The following KCNN2 variants were observed in gnomAD, a reference collection of about 807,000 sequenced individuals.
KCNN2 encodes the protein small conductance calcium-activated potassium channel protein 2.
In KCNN2, 24 loss-of-function variants were observed where a neutral mutation model predicts 55.5. The observed-to-expected ratio is 0.43, with a 90% confidence interval of 0.31 to 0.61. The LOEUF (loss-of-function observed/expected upper bound fraction) is 0.61, where lower values mean the gene tolerates loss of function less well. Ranked by LOEUF, KCNN2 falls within the 20% of genes least tolerant of loss-of-function variation. The pLI is 0.08. For synonymous variants in KCNN2, 431 were observed against 336.1 expected (o/e 1.28, Z -3.09); for missense variants, 754 against 853.6 (o/e 0.88, Z 1.45).
chr5:114,195,931 T>C (rs1480036154), intron 1 of KCNN2, among the ~76,000 whole-genome samples: 2 of 152,060 alleles, frequency 1.3e-5, no homozygotes, highest in African/African-American at 2.4e-5. Context: ...TTGGCTCTTA[T>C]ATTTAGGTCT....
intron 1 of KCNN2, among the ~76,000 whole-genome samples, chr5:114,081,110 C>T (rs975012971): frequency 5.3e-5 from 8 of 151,896 alleles, no homozygotes; most frequent in Admixed American, 5.3e-4. Flanking sequence ...AGGTGAAAGA[C>T]CTATACAATG....
At chr5:114,323,395 A>G (rs550409103) in intron 2 of KCNN2, among the ~76,000 whole-genome samples, 3 of 152,210 alleles carry the variant, frequency 2.0e-5, no homozygotes, top group Non-Finnish European at 4.4e-5. Context: ...TGGTACCATC[A>G]TAAGCACCAA....
At chr5:114,326,773 T>C (rs1756722680) in intron 2 of KCNN2, among the ~76,000 whole-genome samples, 1 of 152,236 alleles carries the variant, frequency 6.6e-6, no homozygotes, top group Admixed American at 6.5e-5. Flanking sequence ...CTATTGTATA[T>C]TCCAAATCCT....
chr5:114,155,028 T>C (rs541088619), intron 1 of KCNN2, among the ~76,000 whole-genome samples: 1 of 152,118 alleles, frequency 6.6e-6, no homozygotes. Flanking sequence ...CCTGATCTGC[T>C]CCCTCCTCAC....
At chr5:114,133,969 C>T (rs1752119257) in intron 1 of KCNN2, among the ~76,000 whole-genome samples, 1 of 152,156 alleles carries the variant, frequency 6.6e-6, no homozygotes, top group Non-Finnish European at 1.5e-5. Flanking sequence ...TTAAGGGGCA[C>T]ATTTGCCTAA....
At chr5:114,152,484 A>G (rs1038440410) in intron 1 of KCNN2, among the ~76,000 whole-genome samples, 1 of 152,214 alleles carries the variant, frequency 6.6e-6, no homozygotes, top group African/African-American at 2.4e-5. Flanking sequence ...AGACTGTACA[A>G]TAGGTGTGCT....
At chr5:114,472,927 A>ATACT in intron 4 of KCNN2, 127 bp from the exon 5 acceptor site, 1 of 549,324 alleles carries the variant, frequency 1.8e-6, no homozygotes, top group Non-Finnish European at 3.2e-6. Flanking sequence ...ATTTTCTGTA[A>ATACT]TACTTATTGA....
At chr5:114,374,819 C>T (rs930615886) in intron 2 of KCNN2, among the ~76,000 whole-genome samples, 7 of 152,082 alleles carry the variant, frequency 4.6e-5, no homozygotes, top group African/African-American at 1.4e-4. Flanking sequence ...AATAATGTGT[C>T]CTTTGCTTTC....
intron 1 of KCNN2, among the ~76,000 whole-genome samples, chr5:114,203,529 C>T (rs1753715441): frequency 6.6e-6 from 1 of 152,112 alleles, no homozygotes; most frequent in Non-Finnish European, 1.5e-5. Flanking sequence ...GTCACTCTGC[C>T]ACATCCCATC....
intron 1 of KCNN2, among the ~76,000 whole-genome samples, chr5:114,109,106 C>A (rs962750452): frequency 1.3e-5 from 2 of 152,066 alleles, no homozygotes; most frequent in African/African-American, 2.4e-5. Context: ...AGCTTGGAGT[C>A]TCATCAGATG....
At chr5:114,162,843 G>A (rs917372979) in intron 1 of KCNN2, among the ~76,000 whole-genome samples, 7 of 152,070 alleles carry the variant, frequency 4.6e-5, no homozygotes, top group African/African-American at 1.2e-4. Flanking sequence ...TTGTTAAGTC[G>A]GTTGGAAAAG....
intron 1 of KCNN2, among the ~76,000 whole-genome samples, chr5:114,154,027 C>A (rs543183793): frequency 3.3e-5 from 5 of 152,110 alleles, no homozygotes; most frequent in African/African-American, 1.2e-4. Flanking sequence ...GTGTTCTGGC[C>A]CCAGGTTCTT....
intron 2 of KCNN2, among the ~76,000 whole-genome samples, chr5:114,341,084 A>G (rs1757007468): frequency 6.6e-6 from 1 of 152,208 alleles, no homozygotes; most frequent in South Asian, 2.1e-4. Flanking sequence ...TTATCCGGTC[A>G]TCCATTGGCA....
chr5:114,416,092 C>CA (rs1233901595), intron 3 of KCNN2, among the ~76,000 whole-genome samples: 1 of 151,808 alleles, frequency 6.6e-6, no homozygotes, highest in Non-Finnish European at 1.5e-5. Context: ...GAGGAAAGAG[C>CA]AAAAAAAGAC....
intron 1 of KCNN2, among the ~76,000 whole-genome samples, chr5:114,062,682 T>A (rs1750357729): frequency 6.6e-6 from 1 of 152,244 alleles, no homozygotes; most frequent in Non-Finnish European, 1.5e-5. Flanking sequence ...TGTGTTTTAA[T>A]AAATATCTTT....
chr5:114,414,610 A>G (rs1218049407), intron 3 of KCNN2, among the ~76,000 whole-genome samples: 2 of 152,220 alleles, frequency 1.3e-5, no homozygotes, highest in African/African-American at 4.8e-5. Context: ...ATCACTGTCA[A>G]ATAATTAAGG....
intron 2 of KCNN2, among the ~76,000 whole-genome samples, chr5:114,334,419 A>G (rs1362375208): frequency 1.3e-5 from 2 of 152,092 alleles, no homozygotes; most frequent in African/African-American, 4.8e-5. Context: ...GAAAGTGGGC[A>G]AAGAACGTGG....
At chr5:114,457,679 G>T (rs981941556) in intron 3 of KCNN2, among the ~76,000 whole-genome samples, 5 of 152,150 alleles carry the variant, frequency 3.3e-5, no homozygotes, top group African/African-American at 9.7e-5. Context: ...ATGTGTCTCT[G>T]TACAGGTCTC....
At chr5:114,286,807 A>G (rs1463586672) in intron 2 of KCNN2, among the ~76,000 whole-genome samples, 1 of 152,212 alleles carries the variant, frequency 6.6e-6, no homozygotes, top group Non-Finnish European at 1.5e-5. Context: ...TAAAATTTCC[A>G]TTTACTGATA....
Sources: gnomAD v4.1 joint callset for allele counts (sites outside exome capture counted in the v4.1 genomes callset) on GRCh38, gnomAD v4.1.1 for gene constraint, MANE v1.5 for transcripts, NCBI Gene and HGNC (gene_info 2026-07-23, HGNC 2026-07-21) for gene names.